B3GALT1: variants seen among roughly 807,000 people sequenced by gnomAD.
B3GALT1 encodes the protein beta-1,3-galactosyltransferase 1.
Under a neutral mutation model 23.2 loss-of-function variants are expected in B3GALT1, and 10 were observed. The ratio of observed to expected loss-of-function variants is 0.43; its 90% CI spans 0.27 to 0.73. B3GALT1 has a LOEUF of 0.73. Ranked by LOEUF, B3GALT1 falls within the 30% of genes least tolerant of loss-of-function variation. B3GALT1 has a pLI of 0.21. For missense variants in B3GALT1, 299 were observed against 405.4 expected (o/e 0.74, Z 2.25); for synonymous variants, 156 against 141.5 (o/e 1.10, Z -0.73).
intron 1 of B3GALT1, among the ~76,000 whole-genome samples, chr2:167,471,974 CA>C (rs1178438734): frequency 6.6e-6 from 1 of 152,262 alleles, no homozygotes; most frequent in African/African-American, 2.4e-5. Flanking sequence ...TGGCAGACCA[CA>C]AAAGCTCACA....
intron 3 of B3GALT1, among the ~76,000 whole-genome samples, chr2:167,724,338 C>T (rs542359186): frequency 6.6e-6 from 1 of 152,320 alleles, no homozygotes; most frequent in East Asian, 1.9e-4. Context: ...AGTAAATAAT[C>T]TAAACACCCC....
chr2:167,338,330 T>C (rs1248229292), intron 1 of B3GALT1, among the ~76,000 whole-genome samples: 1 of 152,124 alleles, frequency 6.6e-6, no homozygotes, highest in Non-Finnish European at 1.5e-5. Flanking sequence ...TGTATTAACA[T>C]ACAAAATTAA....
intron 2 of B3GALT1, among the ~76,000 whole-genome samples, chr2:167,552,194 C>G (rs929490309): frequency 3.3e-5 from 5 of 152,132 alleles, no homozygotes; most frequent in African/African-American, 9.7e-5. Context: ...CATCTTCGAC[C>G]CTGCATTGTC....
At chr2:167,621,816 G>A (rs778898578) in intron 2 of B3GALT1, among the ~76,000 whole-genome samples, 1 of 151,982 alleles carries the variant, frequency 6.6e-6, no homozygotes, top group Non-Finnish European at 1.5e-5. Flanking sequence ...GCCTTGTGAA[G>A]AAGGACATGT....
At chr2:167,538,638 TTTAG>T (rs1301138692) in intron 2 of B3GALT1, among the ~76,000 whole-genome samples, 1 of 152,226 alleles carries the variant, frequency 6.6e-6, no homozygotes, top group African/African-American at 2.4e-5. Context: ...AGGAGATGTC[TTTAG>T]TTATTCTCCA....
At chr2:167,392,522 G>A (rs913996576) in intron 1 of B3GALT1, among the ~76,000 whole-genome samples, 1 of 152,092 alleles carries the variant, frequency 6.6e-6, no homozygotes, top group African/African-American at 2.4e-5. Flanking sequence ...TCCATGCTAG[G>A]AAAGGTCAGA....
intron 3 of B3GALT1, among the ~76,000 whole-genome samples, chr2:167,649,659 A>G (rs1342906673): frequency 2.0e-5 from 3 of 152,100 alleles, no homozygotes; most frequent in East Asian, 1.9e-4. Context: ...ACTGAATAAT[A>G]TTCCATTATA....
chr2:167,845,564 G>A (rs1386123890), intron 4 of B3GALT1, among the ~76,000 whole-genome samples: 1 of 152,116 alleles, frequency 6.6e-6, no homozygotes, highest in Non-Finnish European at 1.5e-5. Flanking sequence ...ACTACATCAA[G>A]GGAACATCCT....
intron 3 of B3GALT1, among the ~76,000 whole-genome samples, chr2:167,797,700 AT>A (rs1304176873): frequency 2.0e-5 from 3 of 150,666 alleles, no homozygotes; most frequent in Admixed American, 6.6e-5. Context: ...CTCATTGTGG[AT>A]TTTGTTTTGT....
intron 2 of B3GALT1, among the ~76,000 whole-genome samples, chr2:167,593,294 A>C (rs115695974): frequency 0.017 from 2,527 of 152,336 alleles, 81 homozygotes; most frequent in African/African-American, 0.058. Context: ...AACTATTTCC[A>C]TATATATCAA....
intron 2 of B3GALT1, among the ~76,000 whole-genome samples, chr2:167,492,738 C>T (rs775631183): frequency 6.6e-6 from 1 of 152,108 alleles, no homozygotes; most frequent in Non-Finnish European, 1.5e-5. Flanking sequence ...GAGAGTGTGA[C>T]TGCCCAAAAG....
intron 2 of B3GALT1, among the ~76,000 whole-genome samples, chr2:167,524,765 A>G (rs1247113464): frequency 6.6e-6 from 1 of 152,200 alleles, no homozygotes; most frequent in Non-Finnish European, 1.5e-5. Flanking sequence ...GCAGAGAGAA[A>G]GCTCACAAGT....
At chr2:167,363,172 A>G (rs540580486) in intron 1 of B3GALT1, among the ~76,000 whole-genome samples, 2 of 151,454 alleles carry the variant, frequency 1.3e-5, no homozygotes, top group African/African-American at 4.8e-5. Flanking sequence ...TTGTTTTCTT[A>G]TTGTCTAGTA....
At chr2:167,701,966 T>C (rs1325014244) in intron 3 of B3GALT1, among the ~76,000 whole-genome samples, 2 of 152,202 alleles carry the variant, frequency 1.3e-5, no homozygotes, top group South Asian at 4.1e-4. Context: ...AAATTTGGCG[T>C]GTCAGCTACC....
chr2:167,630,310 G>T (rs1685418305), intron 2 of B3GALT1, among the ~76,000 whole-genome samples: 1 of 151,678 alleles, frequency 6.6e-6, no homozygotes, highest in African/African-American at 2.4e-5. Context: ...CATAAAGTCA[G>T]TGTCATCCTT....
Position 167,316,062 on chromosome 2 carries a change from G to A in B3GALT1, c.-511+22728G>A, listed in dbSNP as rs117703334. 1.7e-3 allele frequency among the ~76,000 whole-genome samples: 254 copies of A among 151,242 alleles called. 11 individuals are homozygous for A. The East Asian group carries it at 0.046, about 27-fold the overall frequency. On this transcript the variant is annotated intron_variant, in intron 1 of 4. Transcript: ENST00000392690. ...GGAAATAAAAATAAAAAATCCTGTT[G>A]AATTTCTAGCAGTTATATTTTTTTT...
chr2:167,703,834 C>T (rs995167585), intron 3 of B3GALT1, among the ~76,000 whole-genome samples: 3 of 152,118 alleles, frequency 2.0e-5, no homozygotes, highest in African/African-American at 7.2e-5. Context: ...CTAAAAGACT[C>T]CTACTGACTG....
At chr2:167,844,108 C>A (rs911577013) in intron 4 of B3GALT1, among the ~76,000 whole-genome samples, 1 of 152,094 alleles carries the variant, frequency 6.6e-6, no homozygotes, top group Non-Finnish European at 1.5e-5. Context: ...AAATGAATGG[C>A]ACAAGAGTAC....
At chr2:167,684,691 C>T (rs1281482115) in intron 3 of B3GALT1, among the ~76,000 whole-genome samples, 1 of 152,232 alleles carries the variant, frequency 6.6e-6, no homozygotes, top group Non-Finnish European at 1.5e-5. Flanking sequence ...GCTTTAGCCA[C>T]ATAGCATTTT....
Sources: allele counts gnomAD v4.1 joint callset (sites outside exome capture counted in the v4.1 genomes callset), GRCh38; gene constraint gnomAD v4.1.1; transcripts MANE v1.5; gene names NCBI Gene and HGNC (gene_info 2026-07-23, HGNC 2026-07-21).